The following GSE1 variants were observed in gnomAD, a reference collection of about 807,000 sequenced individuals.
The protein encoded by GSE1 is genetic suppressor element 1.
A neutral mutation model predicts 112.6 loss-of-function variants in GSE1; 32 were observed. That is an observed-to-expected ratio of 0.28 (90% confidence interval 0.21 to 0.38). The LOEUF (loss-of-function observed/expected upper bound fraction) is 0.38, where lower values mean the gene tolerates loss of function less well. Ranked by LOEUF, GSE1 falls within the 10% of genes least tolerant of loss-of-function variation. The pLI is 1.00. For missense variants in GSE1, 2,348 were observed against 1,699.2 expected (o/e 1.38, Z -6.71); for synonymous variants, 1,115 against 735.6 (o/e 1.52, Z -8.35).
At chr16:85,608,977 G>A (rs1294567903), upstream of GSE1, among the ~76,000 whole-genome samples, 8 of 152,232 alleles carry the variant, frequency 5.3e-5, no homozygotes, top group Non-Finnish European at 1.2e-4. Flanking sequence ...AGCCCTAGAA[G>A]AAGCAAGAAC....
exon 1 of GSE1, chr16:85,171,016 A>G (rs1027679281): frequency 1.0e-6 from 1 of 985,510 alleles, no homozygotes; most frequent in African/African-American, 1.7e-5. Flanking sequence ...GGTCCCCTCC[A>G]GGATCCTCAA....
At chr16:85,281,450 C>G (rs1202489349) in intron 1 of GSE1, among the ~76,000 whole-genome samples, 2 of 152,142 alleles carry the variant, frequency 1.3e-5, no homozygotes, top group Non-Finnish European at 2.9e-5. Flanking sequence ...CTGTAGGTGG[C>G]TAAACCGAGG....
chr16:85,559,630 C>T (rs2045415977), intron 1 of GSE1, among the ~76,000 whole-genome samples: 1 of 145,516 alleles, frequency 6.9e-6, no homozygotes, highest in African/African-American at 2.5e-5. Context: ...AGGACTGAGG[C>T]TGGGCAGTAG....
At chr16:85,500,485 G>A (rs1315653667) in intron 2 of GSE1, among the ~76,000 whole-genome samples, 2 of 152,346 alleles carry the variant, frequency 1.3e-5, no homozygotes, top group East Asian at 1.9e-4. Context: ...ATAAACAGGC[G>A]CATTTGTCCC....
intron 1 of GSE1, among the ~76,000 whole-genome samples, chr16:85,560,035 G>GTAA (rs938139126): frequency 6.6e-6 from 1 of 150,914 alleles, no homozygotes; most frequent in African/African-American, 2.4e-5. Flanking sequence ...AGTGATAACT[G>GTAA]TAATAATAAT....
At chr16:85,260,296 T>TTTTTCC (rs1907537073) in intron 1 of GSE1, among the ~76,000 whole-genome samples, 1 of 151,422 alleles carries the variant, frequency 6.6e-6, no homozygotes, top group Non-Finnish European at 1.5e-5. Flanking sequence ...TTCTTTTTTA[T>TTTTTCC]TTTTCCTTTT....
chr16:85,224,023 C>A (rs768092383), intron 1 of GSE1, among the ~76,000 whole-genome samples: 1 of 152,072 alleles, frequency 6.6e-6, no homozygotes, highest in Non-Finnish European at 1.5e-5. Context: ...AAGGAAGCCC[C>A]AGCCCCATTA....
chr16:85,437,968 A>G (rs981994651), intron 2 of GSE1, among the ~76,000 whole-genome samples: 8 of 152,206 alleles, frequency 5.3e-5, no homozygotes, highest in Non-Finnish European at 8.8e-5. Flanking sequence ...TATGTGTGGA[A>G]GGTGCATAAA....
intron 2 of GSE1, among the ~76,000 whole-genome samples, chr16:85,528,154 G>C (rs143567026): frequency 1.7e-3 from 252 of 152,374 alleles, no homozygotes; most frequent in Middle Eastern, 6.8e-3. Context: ...GAGCTGGACA[G>C]ACAAGATTCT....
In GSE1 at chr16:85,618,450, C is replaced by T. The variant is rs899464411; in HGVS notation, c.7+5052C>T. Among the ~76,000 whole-genome samples, 7 of 152,244 alleles carry T rather than the reference C, an allele frequency of 4.6e-5. No homozygotes were observed. The East Asian group carries it at 9.6e-4, about 21-fold the overall frequency. Reference sequence around the variant, plus strand: ...TGATGAGTGTCAGCTGTTACTGTGTCGATCAGTGCATCTGACTGTTCGTAT... The same window carrying T: ...TGATGAGTGTCAGCTGTTACTGTGTTGATCAGTGCATCTGACTGTTCGTAT... On this transcript the variant is annotated intron_variant, in intron 1 of 15. Transcript: ENST00000253458.
At chr16:85,553,227 C>T (rs868528017), upstream of GSE1, among the ~76,000 whole-genome samples, 2 of 116,002 alleles carry the variant, frequency 1.7e-5, no homozygotes, top group Admixed American at 1.7e-4. Context: ...GGAGGCCCGG[C>T]GGGGCGCGCG....
At chr16:85,191,742 C>T (rs950269167) in intron 1 of GSE1, among the ~76,000 whole-genome samples, 2 of 152,204 alleles carry the variant, frequency 1.3e-5, no homozygotes, top group African/African-American at 4.8e-5. Flanking sequence ...TTATCCCTCA[C>T]CTCGAGAGTA....
At chr16:85,294,050 C>T (rs545155648) in intron 1 of GSE1, among the ~76,000 whole-genome samples, 9 of 152,304 alleles carry the variant, frequency 5.9e-5, no homozygotes, top group Admixed American at 2.0e-4. Flanking sequence ...GCCTCCTCCC[C>T]GGCCGCTGGT....
chr16:85,353,720 A>G (rs1326894992), intron 1 of GSE1, among the ~76,000 whole-genome samples: 1 of 152,218 alleles, frequency 6.6e-6, no homozygotes, highest in East Asian at 1.9e-4. Context: ...GAAAATCAGA[A>G]GATCTGTCAA....
chr16:85,377,132 C>T (rs370649703), intron 2 of GSE1, among the ~76,000 whole-genome samples: 6 of 152,196 alleles, frequency 3.9e-5, no homozygotes, highest in Non-Finnish European at 5.9e-5. Context: ...TTGTGGATGA[C>T]GGGGTACCCC....
At chr16:85,537,198 G>A (rs755158926) in intron 2 of GSE1, among the ~76,000 whole-genome samples, 1 of 152,242 alleles carries the variant, frequency 6.6e-6, no homozygotes, top group Non-Finnish European at 1.5e-5. Flanking sequence ...CTGGGCTGCA[G>A]GTTAGCTGTG....
intron 2 of GSE1, among the ~76,000 whole-genome samples, chr16:85,636,367 G>C (rs905099233): frequency 6.6e-6 from 1 of 152,168 alleles, no homozygotes; most frequent in African/African-American, 2.4e-5. Flanking sequence ...GTCCTGGAAC[G>C]CCCTCAGCCA....
At chr16:85,349,418 A>G (rs1367160475) in intron 1 of GSE1, among the ~76,000 whole-genome samples, 1 of 152,166 alleles carries the variant, frequency 6.6e-6, no homozygotes. Context: ...GCGGGGCCAC[A>G]GCGGGTCAGG....
At chr16:85,652,807 C>T (rs547081191) in intron 3 of GSE1, among the ~76,000 whole-genome samples, 284 of 152,296 alleles carry the variant, frequency 1.9e-3, no homozygotes, top group Middle Eastern at 0.014. Flanking sequence ...GCCATCATTC[C>T]TGCTGATCTT....
Sources: allele counts gnomAD v4.1 joint callset (sites outside exome capture counted in the v4.1 genomes callset), GRCh38; gene constraint gnomAD v4.1.1; transcripts MANE v1.5; gene names NCBI Gene and HGNC (gene_info 2026-07-23, HGNC 2026-07-21).